Variants in CREB5 observed in about 807,000 individuals in gnomAD.
CREB5 encodes the protein cAMP responsive element binding protein 5.
In CREB5, 19 loss-of-function variants were observed where a neutral mutation model predicts 57.1. The ratio of observed to expected loss-of-function variants is 0.33; its 90% CI spans 0.23 to 0.49. The LOEUF (loss-of-function observed/expected upper bound fraction) is 0.49, where lower values mean the gene tolerates loss of function less well. CREB5 is among the 20% of genes least tolerant of loss of function. CREB5 has a pLI of 0.99. For synonymous variants in CREB5, 238 were observed against 238.3 expected (o/e 1.00, Z 0.01); for missense variants, 579 against 671.6 (o/e 0.86, Z 1.52).
intron 1 of CREB5, among the ~76,000 whole-genome samples, chr7:28,303,008 TC>T (rs759734502): frequency 1.1e-4 from 17 of 152,190 alleles, no homozygotes; most frequent in Non-Finnish European, 2.2e-4. Context: ...ATATTGCTAG[TC>T]CTAATCTTGG....
chr7:28,626,826 G>A (rs1798011573), intron 5 of CREB5, among the ~76,000 whole-genome samples: 1 of 152,136 alleles, frequency 6.6e-6, no homozygotes, highest in African/African-American at 2.4e-5. Context: ...GTTCAGAAAG[G>A]GAGCCTACCG....
chr7:28,457,534 A>G (rs368586344), intron 1 of CREB5, among the ~76,000 whole-genome samples: 1 of 152,348 alleles, frequency 6.6e-6, no homozygotes, highest in African/African-American at 2.4e-5. Flanking sequence ...TTGAGAAGGT[A>G]CTAGATGAGA....
chr7:28,651,799 A>C (rs369155175), intron 5 of CREB5, among the ~76,000 whole-genome samples: 22 of 152,108 alleles, frequency 1.4e-4, no homozygotes, highest in Middle Eastern at 6.8e-3. Flanking sequence ...TTATTCTTTT[A>C]TTGGAAGTGC....
rs1794135393 is a variant in CREB5 at position 28,539,868 on chromosome 7, A to G, written c.292-30497A>G. Among the ~76,000 whole-genome samples the G allele has an allele frequency of 2.0e-5, 3 of 152,202 alleles. No individual in the cohort carries two copies. The South Asian group carries it at 6.2e-4, about 31-fold the overall frequency. The stretch of plus-strand genomic sequence containing the variant: ...CATCATGGTATCAGTTTTGAAAATA[A>G]GCACAGACATTTTTGGTAACCAGCC... On this transcript the variant is annotated intron_variant, in intron 4 of 10. Transcript: ENST00000357727.
chr7:28,722,567 A>G (rs930067075), intron 6 of CREB5, among the ~76,000 whole-genome samples: 2 of 152,220 alleles, frequency 1.3e-5, no homozygotes, highest in African/African-American at 2.4e-5. Flanking sequence ...TTAAAATGGT[A>G]ATTTTATGTT....
chr7:28,425,542 T>A (rs1788472061), intron 1 of CREB5, among the ~76,000 whole-genome samples: 1 of 152,188 alleles, frequency 6.6e-6, no homozygotes, highest in Non-Finnish European at 1.5e-5. Flanking sequence ...ATCTGAATAT[T>A]CTAATGTCAT....
intron 5 of CREB5, among the ~76,000 whole-genome samples, chr7:28,717,204 G>A (rs1342520442): frequency 1.4e-5 from 2 of 147,438 alleles, no homozygotes; most frequent in East Asian, 2.0e-4. Context: ...GATTACAGAC[G>A]TGCGCCACCA....
At chr7:28,460,002 T>TG (rs1790284319) in intron 1 of CREB5, among the ~76,000 whole-genome samples, 1 of 152,232 alleles carries the variant, frequency 6.6e-6, no homozygotes, top group Non-Finnish European at 1.5e-5. Flanking sequence ...GGTCCTGTCC[T>TG]GCGATTGCAT....
At chr7:28,353,626 G>A (rs1386286255) in intron 1 of CREB5, among the ~76,000 whole-genome samples, 4 of 151,936 alleles carry the variant, frequency 2.6e-5, no homozygotes, top group East Asian at 1.9e-4. Context: ...GGCAGATCAC[G>A]AGGTCAGGAG....
At chr7:28,510,349 T>A (rs897302134) in intron 4 of CREB5, among the ~76,000 whole-genome samples, 1 of 152,260 alleles carries the variant, frequency 6.6e-6, no homozygotes. Flanking sequence ...TCTCTAGTTG[T>A]CTTCTGATTT....
rs1352901322 is a variant in CREB5, at chr7:28,503,454, AC to A, written c.170-4161del. Among the ~76,000 whole-genome samples, 5 of 152,284 alleles carry A rather than the reference AC, an allele frequency of 3.3e-5. No homozygotes were observed. The East Asian group carries it at 9.7e-4, about 29-fold the overall frequency. On this transcript the variant is annotated intron_variant, in intron 3 of 10. Transcript: ENST00000357727. ...TCACATAAGATAACAGAAATATTAG[AC>A]TACCCATCATCAGTGGGAATTGAGT...
intron 1 of CREB5, among the ~76,000 whole-genome samples, chr7:28,353,677 A>G (rs1384445073): frequency 6.6e-6 from 1 of 151,974 alleles, no homozygotes; most frequent in East Asian, 1.9e-4. Context: ...CCCCGTCTCT[A>G]CTAAAAATAC....
chr7:28,445,798 G>A (rs199511618), intron 1 of CREB5, among the ~76,000 whole-genome samples: 91 of 151,184 alleles, frequency 6.0e-4, no homozygotes, highest in Non-Finnish European at 8.3e-4. Flanking sequence ...TGATCCGCCT[G>A]CCTCAGCCTC....
At chr7:28,503,777 A>T (rs1456723071) in intron 3 of CREB5, among the ~76,000 whole-genome samples, 2 of 152,196 alleles carry the variant, frequency 1.3e-5, no homozygotes, top group Admixed American at 6.5e-5. Flanking sequence ...GGAGGATGGC[A>T]TAGGCATGGG....
At chr7:28,561,265 C>T (rs1361595053) in intron 4 of CREB5, among the ~76,000 whole-genome samples, 1 of 152,072 alleles carries the variant, frequency 6.6e-6, no homozygotes, top group African/African-American at 2.4e-5. Flanking sequence ...AGACCCTGTC[C>T]CCATCATCAA....
chr7:28,767,873 A>G (rs1334066209), intron 7 of CREB5, among the ~76,000 whole-genome samples: 1 of 152,194 alleles, frequency 6.6e-6, no homozygotes, highest in African/African-American at 2.4e-5. Flanking sequence ...CTAGAATTTA[A>G]TCTCTGCACA....
chr7:28,424,494 A>G (rs1317230139), intron 1 of CREB5, among the ~76,000 whole-genome samples: 2 of 152,206 alleles, frequency 1.3e-5, no homozygotes, highest in Non-Finnish European at 2.9e-5. Context: ...TTAATTACCA[A>G]CTATGGACAT....
intron 7 of CREB5, among the ~76,000 whole-genome samples, chr7:28,736,993 G>A (rs1258382864): frequency 1.3e-5 from 2 of 152,062 alleles, no homozygotes; most frequent in Admixed American, 6.5e-5. Context: ...GGAGGGCCAG[G>A]CTGATCATCC....
At chr7:28,364,748 A>T (rs1449485541) in intron 1 of CREB5, among the ~76,000 whole-genome samples, 1 of 152,144 alleles carries the variant, frequency 6.6e-6, no homozygotes, top group East Asian at 1.9e-4. Flanking sequence ...CTTTTCTCTT[A>T]TGCTCCTTAT....
Sources: allele counts gnomAD v4.1 joint callset (sites outside exome capture counted in the v4.1 genomes callset), GRCh38; gene constraint gnomAD v4.1.1; transcripts MANE v1.5; gene names NCBI Gene and HGNC (gene_info 2026-07-23, HGNC 2026-07-21).